The following NXPH2 variants were observed in gnomAD, a reference collection of about 807,000 sequenced individuals.
NXPH2 encodes the protein neurexophilin 2.
Under a neutral mutation model 19.8 loss-of-function variants are expected in NXPH2, and 5 were observed. That is an observed-to-expected ratio of 0.25 (90% CI 0.13 to 0.53). The LOEUF (loss-of-function observed/expected upper bound fraction) is 0.53, where lower values mean the gene tolerates loss of function less well. NXPH2 is among the 20% of genes least tolerant of loss of function. The probability of loss-of-function intolerance (pLI) is 0.96; values close to 1 mark genes in which losing one functional copy is unlikely to be tolerated. For missense variants in NXPH2, 289 were observed against 322.8 expected (o/e 0.90, Z 0.80); for synonymous variants, 154 against 127.4 (o/e 1.21, Z -1.41).
chr2:138,711,174 T>C (rs1379192793), intron 1 of NXPH2, among the ~76,000 whole-genome samples: 2 of 107,716 alleles, frequency 1.9e-5, no homozygotes, highest in Non-Finnish European at 3.9e-5. Context: ...TGAGTCTCGC[T>C]CTGTCACCTG....
intron 1 of NXPH2, among the ~76,000 whole-genome samples, chr2:138,773,868 A>G (rs531584102): frequency 1.5e-4 from 23 of 152,342 alleles, no homozygotes; most frequent in Admixed American, 5.9e-4. Context: ...ATTGAATCCC[A>G]GGAATAGTTA....
chr2:138,742,555 G>A (rs1023661972), intron 1 of NXPH2, among the ~76,000 whole-genome samples: 4 of 152,136 alleles, frequency 2.6e-5, no homozygotes, highest in African/African-American at 9.7e-5. Context: ...TGGAGTCAGA[G>A]AAGAGTGTCC....
chr2:138,732,923 A>C (rs1681474251), intron 1 of NXPH2, among the ~76,000 whole-genome samples: 1 of 152,230 alleles, frequency 6.6e-6, no homozygotes, highest in Non-Finnish European at 1.5e-5. Context: ...GCAAATCACA[A>C]ATATTTGGTA....
chr2:138,706,236 T>A (rs959058495), intron 1 of NXPH2, among the ~76,000 whole-genome samples: 4 of 152,244 alleles, frequency 2.6e-5, no homozygotes, highest in Non-Finnish European at 5.9e-5. Context: ...GCAGGTATTA[T>A]TCTACTATCC....
chr2:138,776,679 G>A (rs1462015627), intron 1 of NXPH2, among the ~76,000 whole-genome samples: 1 of 151,082 alleles, frequency 6.6e-6, no homozygotes, highest in African/African-American at 2.4e-5. Context: ...TCCGGCACTG[G>A]AAAATACTAT....
intron 1 of NXPH2, among the ~76,000 whole-genome samples, chr2:138,736,700 G>C (rs931833025): frequency 4.6e-5 from 7 of 152,262 alleles, no homozygotes; most frequent in Admixed American, 1.3e-4. Flanking sequence ...TCCAAAAATG[G>C]AATTTCTTTT....
In NXPH2 at chr2:138,748,136, G is replaced by A. The variant is rs565623877; in HGVS notation, c.51+32055C>T. ...ATCCAGTGTTTCACGATGTTGTCAT[G>A]TGGGAGGCACTGTGCTAGGTGCAAG... On this transcript the variant is annotated intron_variant, in intron 1 of 1. Transcript: ENST00000272641. 9.2e-4 allele frequency among the ~76,000 whole-genome samples: 140 copies of A among 152,316 alleles called. 1 individual carries two copies. The highest frequency in any genetic ancestry group is 3.3e-3 in the African/African-American group (136 of 41,574).
At chr2:138,704,228 T>C (rs1035072560) in intron 1 of NXPH2, among the ~76,000 whole-genome samples, 4 of 151,778 alleles carry the variant, frequency 2.6e-5, no homozygotes, top group Non-Finnish European at 4.4e-5. Context: ...GCTATTAAAG[T>C]ATAAAATACT....
In NXPH2 at chr2:138,749,557, G is replaced by C. The variant is rs76909696; in HGVS notation, c.51+30634C>G. Among the ~76,000 whole-genome samples, 3 of 151,960 alleles carry C rather than the reference G, an allele frequency of 2.0e-5. No homozygotes were observed. In the East Asian group the frequency reaches 5.8e-4, roughly 29 times the overall value. On this transcript the variant is annotated intron_variant, in intron 1 of 1. Transcript: ENST00000272641. ...TATTTAAAATAATAATTTAATACAC[G>C]TTCAAGAATTAAGAGGTTTCTTTAT...
chr2:138,754,349 T>C (rs1381592465), intron 1 of NXPH2, among the ~76,000 whole-genome samples: 1 of 152,164 alleles, frequency 6.6e-6, no homozygotes, highest in East Asian at 1.9e-4. Flanking sequence ...AACCTTCCCC[T>C]TCCCTCTGAA....
At chr2:138,761,535 G>T (rs1314015520) in intron 1 of NXPH2, among the ~76,000 whole-genome samples, 1 of 152,214 alleles carries the variant, frequency 6.6e-6, no homozygotes, top group East Asian at 1.9e-4. Flanking sequence ...AGAAGCTGAA[G>T]TATGTTCTGT....
At chr2:138,738,629 T>C (rs1018309224) in intron 1 of NXPH2, among the ~76,000 whole-genome samples, 7 of 152,176 alleles carry the variant, frequency 4.6e-5, no homozygotes, top group Non-Finnish European at 1.5e-5. Flanking sequence ...CTATTCTCTC[T>C]TTTACAGTCT....
At chr2:138,672,314 G>A (rs1680427906) in intron 1 of NXPH2, among the ~76,000 whole-genome samples, 3 of 152,046 alleles carry the variant, frequency 2.0e-5, no homozygotes. Context: ...GGTATATTTT[G>A]AATTAATAGG....
At chr2:138,755,375 A>C (rs1681891391) in intron 1 of NXPH2, among the ~76,000 whole-genome samples, 1 of 152,108 alleles carries the variant, frequency 6.6e-6, no homozygotes, top group East Asian at 1.9e-4. Context: ...GTCTACATAC[A>C]TATGTTGCAT....
At chr2:138,741,581 G>A (rs1188818099) in intron 1 of NXPH2, among the ~76,000 whole-genome samples, 1 of 152,170 alleles carries the variant, frequency 6.6e-6, no homozygotes, top group Non-Finnish European at 1.5e-5. Context: ...TTCCCTGTCT[G>A]CAGAAGTAGT....
At chr2:138,674,818 CT>C in intron 1 of NXPH2, among the ~76,000 whole-genome samples, 1 of 152,318 alleles carries the variant, frequency 6.6e-6, no homozygotes, top group East Asian at 1.9e-4. Context: ...ATGATTCTTG[CT>C]GCCCATAGTC....
chr2:138,744,707 C>T (rs1448472633), intron 1 of NXPH2, among the ~76,000 whole-genome samples: 1 of 152,188 alleles, frequency 6.6e-6, no homozygotes. Context: ...CAGTCACTCT[C>T]TCTCGGGCAC....
intron 1 of NXPH2, among the ~76,000 whole-genome samples, chr2:138,760,073 G>C (rs1681986844): frequency 1.3e-5 from 2 of 151,814 alleles, no homozygotes; most frequent in Non-Finnish European, 2.9e-5. Context: ...TCTGAATAAG[G>C]CTTCAAATTC....
Position 138,772,298 on chromosome 2 carries a change from A to ATTATTTATTTATTTAT in NXPH2, c.51+7892_51+7893insATAAATAAATAAATAA, listed in dbSNP as rs56067113. ...ACTGGCCTCCATGAGGTTAAATTTT[A>ATTATTTATTTATTTAT]TTATTTATTTATTTAGAGACAGAGT... On this transcript the variant is annotated intron_variant, in intron 1 of 1. Transcript: ENST00000272641. Among the ~76,000 whole-genome samples, 306 of 151,550 alleles carry ATTATTTATTTATTTAT rather than the reference A, an allele frequency of 2.0e-3. 1 individual carries two copies. Among genetic ancestry groups the ATTATTTATTTATTTAT allele is most frequent in the African/African-American group, 7.0e-3 (287 of 41,192 alleles).
Sources: gnomAD v4.1 joint callset for allele counts (sites outside exome capture counted in the v4.1 genomes callset) on GRCh38, gnomAD v4.1.1 for gene constraint, MANE v1.5 for transcripts, NCBI Gene and HGNC (gene_info 2026-07-23, HGNC 2026-07-21) for gene names.